The following ADAMTS17 variants were observed in gnomAD, a reference collection of about 807,000 sequenced individuals.
ADAMTS17 encodes A disintegrin and metalloproteinase with thrombospondin motifs 17.
ADAMTS17 carries 113 observed loss-of-function variants against 141.5 expected under a neutral mutation model. The observed-to-expected ratio is 0.80, with a 90% CI of 0.69 to 0.93. ADAMTS17 has a LOEUF of 0.93. Ranked by LOEUF, ADAMTS17 falls within the 40% of genes least tolerant of loss-of-function variation. The pLI is 0.00. For synonymous variants in ADAMTS17, 768 were observed against 630.6 expected (o/e 1.22, Z -3.27); for missense variants, 1,659 against 1,517.9 (o/e 1.09, Z -1.54).
chr15:100,305,744 C>T (rs11632336), intron 3 of ADAMTS17: 6,204 of 152,424 alleles, frequency 0.041, 210 homozygotes, highest in Non-Finnish European at 0.063. Context: ...TTAGGCCAGT[C>T]ATGGTGGCTC....
chr15:100,198,085 A>G (rs993233334), intron 8 of ADAMTS17, among the ~76,000 whole-genome samples: 7 of 152,196 alleles, frequency 4.6e-5, no homozygotes, highest in Non-Finnish European at 8.8e-5. Flanking sequence ...CGACAGGTTG[A>G]TGGGTGCAGC....
At chr15:99,974,701 C>A in intron 21 of ADAMTS17, 139 bp from the exon 22 acceptor site, 1 of 1,159,946 alleles carries the variant, frequency 8.6e-7, no homozygotes, top group Non-Finnish European at 1.3e-6. Context: ...ACTGATTAGG[C>A]CATGCCTCCT....
At chr15:100,126,177 G>A (rs1203442385) in intron 12 of ADAMTS17, 2 of 152,202 alleles carry the variant, frequency 1.3e-5, no homozygotes, top group Admixed American at 6.5e-5. Context: ...CATAAAACAC[G>A]CCACATCCTG....
At chr15:99,986,173 C>T (rs2060582299) in intron 20 of ADAMTS17, among the ~76,000 whole-genome samples, 1 of 152,224 alleles carries the variant, frequency 6.6e-6, no homozygotes, top group African/African-American at 2.4e-5. Context: ...GGGGTTCAGG[C>T]CCCACCAAAG....
chr15:100,077,345 C>T (rs2034451098), intron 15 of ADAMTS17, among the ~76,000 whole-genome samples: 1 of 148,884 alleles, frequency 6.7e-6, no homozygotes, highest in African/African-American at 2.5e-5. Flanking sequence ...GCCTGTAATC[C>T]CAGCTACTCA....
intron 18 of ADAMTS17, among the ~76,000 whole-genome samples, chr15:100,020,650 A>G (rs189352966): frequency 2.6e-5 from 4 of 152,190 alleles, no homozygotes; most frequent in Admixed American, 2.6e-4. Flanking sequence ...CTAAGTTAGA[A>G]GCAGTGACCC....
At chr15:100,120,287 C>G (rs2037386994) in intron 12 of ADAMTS17, among the ~76,000 whole-genome samples, 1 of 152,124 alleles carries the variant, frequency 6.6e-6, no homozygotes, top group Non-Finnish European at 1.5e-5. Flanking sequence ...GTTAATTTTG[C>G]TCAATTTCAG....
At chr15:100,218,542 C>T (rs1201050448) in intron 7 of ADAMTS17, among the ~76,000 whole-genome samples, 1 of 152,170 alleles carries the variant, frequency 6.6e-6, no homozygotes, top group East Asian at 1.9e-4. Flanking sequence ...CTACTTCACA[C>T]CCACCAGAAT....
chr15:100,253,852 A>C, intron 7 of ADAMTS17, among the ~76,000 whole-genome samples: 1 of 151,526 alleles, frequency 6.6e-6, no homozygotes. Flanking sequence ...AGCCAAATGC[A>C]CCCCCAACTG....
In ADAMTS17 at chr15:99,973,913, G is replaced by T; in HGVS notation, c.*489C>A. 1 of 236,898 alleles carries T rather than the reference G, an allele frequency of 4.2e-6. No individual in the cohort carries two copies. Among genetic ancestry groups the T allele is most frequent in the South Asian group, 5.4e-5 (1 of 18,358 alleles). 14.7% of individuals were successfully genotyped at this position (236,898 alleles called of 1,614,324 possible). A position where few individuals can be genotyped will look rare whatever the true frequency, so the allele number is the denominator to read the frequency against. On this transcript the variant is annotated 3_prime_UTR_variant, in exon 22 of 22. Coordinates refer to ENST00000268070, the MANE Select transcript of ADAMTS17 (RefSeq NM_139057.4). ...GATGGAGAGAAACGTGTGCTAAGCA[G>T]CCCGGCCCTCCCCAGAGAAGCCACG...
At chr15:99,975,236 G>C (rs993539003) in intron 21 of ADAMTS17, among the ~76,000 whole-genome samples, 8 of 152,232 alleles carry the variant, frequency 5.3e-5, no homozygotes, top group Admixed American at 3.3e-4. Context: ...TTGAGATGGA[G>C]TCTTACTCTG....
At chr15:100,140,488 C>CAT (rs60035034) in intron 10 of ADAMTS17, among the ~76,000 whole-genome samples, 18,822 of 124,934 alleles carry the variant, frequency 0.15, 2,351 homozygotes, top group Middle Eastern at 0.23. Context: ...CACATACATA[C>CAT]ATATATATAT....
chr15:100,126,232 C>T (rs1239098176), intron 12 of ADAMTS17: 1 of 152,260 alleles, frequency 6.6e-6, no homozygotes, highest in Non-Finnish European at 1.5e-5. Flanking sequence ...TCCACCCACC[C>T]AAGGCCTGTC....
intron 8 of ADAMTS17, among the ~76,000 whole-genome samples, chr15:100,185,498 A>G (rs1043876145): frequency 6.6e-6 from 1 of 152,164 alleles, no homozygotes; most frequent in East Asian, 1.9e-4. Flanking sequence ...AAACCTCTTC[A>G]AACTCCAAAA....
chr15:100,072,510 T>G (rs1206464498), intron 15 of ADAMTS17, among the ~76,000 whole-genome samples: 3 of 151,760 alleles, frequency 2.0e-5, no homozygotes, highest in Non-Finnish European at 4.4e-5. Flanking sequence ...CAAACTATAC[T>G]ACAAGGCTAC....
At chr15:100,153,807 A>G (rs563119104) in intron 9 of ADAMTS17, among the ~76,000 whole-genome samples, 1 of 152,338 alleles carries the variant, frequency 6.6e-6, no homozygotes, top group South Asian at 2.1e-4. Flanking sequence ...GCATGAACAC[A>G]AGACACAGAC....
At chr15:100,085,868 A>G (rs1253427510) in intron 15 of ADAMTS17, among the ~76,000 whole-genome samples, 3 of 152,142 alleles carry the variant, frequency 2.0e-5, no homozygotes, top group African/African-American at 7.2e-5. Flanking sequence ...GAAAGGAACA[A>G]CTGGTAACAG....
chr15:100,138,081 T>A (rs541979940), intron 10 of ADAMTS17, among the ~76,000 whole-genome samples: 1 of 152,228 alleles, frequency 6.6e-6, no homozygotes, highest in Admixed American at 6.5e-5. Context: ...CTATCTCAGA[T>A]AGAACAAGGT....
rs113609927 is a variant in ADAMTS17, at chr15:100,157,297, G to A, written c.1182-1977C>T. On this transcript the variant is annotated intron_variant, in intron 8 of 21. Coordinates refer to ENST00000268070, the MANE Select transcript of ADAMTS17 (RefSeq NM_139057.4). ...ATGGAAGTCCAATTGGCAGACACCCGTCCTCAAAGAAGAGGCTTTCCCTCT... is the reference window on the plus strand; with the variant it reads ...ATGGAAGTCCAATTGGCAGACACCCATCCTCAAAGAAGAGGCTTTCCCTCT... 5.3e-5 allele frequency among the ~76,000 whole-genome samples: 8 copies of A among 152,190 alleles called. 1 individual carries two copies. Among genetic ancestry groups the A allele is most frequent in the South Asian group, 2.1e-4 (1 of 4,818 alleles).
Sources: gnomAD v4.1 joint callset for allele counts (sites outside exome capture counted in the v4.1 genomes callset) on GRCh38, gnomAD v4.1.1 for gene constraint, MANE v1.5 for transcripts, NCBI Gene and HGNC (gene_info 2026-07-23, HGNC 2026-07-21) for gene names.